KATNB1: variants seen among roughly 807,000 people sequenced by gnomAD.
KATNB1 encodes katanin p80 WD40 repeat-containing subunit B1.
A neutral mutation model predicts 82.3 loss-of-function variants in KATNB1; 38 were observed. The observed-to-expected ratio is 0.46, with a 90% confidence interval of 0.36 to 0.61. KATNB1 has a LOEUF of 0.61. Ranked by LOEUF, KATNB1 falls within the 20% of genes least tolerant of loss-of-function variation. KATNB1 has a pLI of 0.00. For synonymous variants in KATNB1, 361 were observed against 368.7 expected (o/e 0.98, Z 0.24); for missense variants, 749 against 915.7 (o/e 0.82, Z 2.35).
Position 57,750,889 on chromosome 16 carries a change from G to C in KATNB1, c.352G>C (p.Glu118Gln). The change falls in exon 5 of 20, where the codon GAG becomes CAG. Residue 118 changes from glutamate to glutamine, a missense_variant. Glu to Gln is a conservative substitution (Grantham distance 29). Around this residue, in one of 3 missense-constraint regions of KATNB1, gnomAD observed 247 missense variants for 349.4 expected, o/e 0.71. Coordinates refer to ENST00000379661, the MANE Select transcript of KATNB1 (RefSeq NM_005886.3). ...ICSLDFHPYGEFVASGSQDTN... is the reference protein window; with the variant it reads ...ICSLDFHPYGQFVASGSQDTN... The stretch of plus-strand genomic sequence containing the variant: ...CAGCCTGGATTTCCACCCGTACGGC[G>C]AGTTTGTAGCCTCTGGTTCCCAGGA... 1.2e-6 allele frequency: 2 copies of C among 1,614,082 alleles called. No homozygotes were observed. The highest frequency in any genetic ancestry group is 1.7e-6 in the Non-Finnish European group (2 of 1,180,028).
intron 4 of KATNB1, among the ~76,000 whole-genome samples, chr16:57,750,616 A>G (rs1419336192): frequency 6.6e-6 from 1 of 151,886 alleles, no homozygotes; most frequent in African/African-American, 2.4e-5. Context: ...ACAGAGCAAG[A>G]CTCCTTTTCA....
chr16:57,752,780 G>A lies in KATNB1; in HGVS notation c.707G>A (p.Ser236Asn). Residue 236 changes from serine to asparagine, a missense_variant and splice_region_variant, in exon 10 of 20, where the codon AGC (serine) becomes AAC (asparagine). Ser to Asn is a conservative substitution (Grantham distance 46, BLOSUM62 1). Transcript: ENST00000379661. ...CGGCCATCTCTCGCCTGGCCCAGGA[G>A]CGTCCTCTTCAACCCAGACGGCTGC... The part of the protein sequence containing the change: ...CIEGEPGPVR[S>N]VLFNPDGCCL... 4 of 1,609,874 alleles carry A rather than the reference G, an allele frequency of 2.5e-6. No homozygotes were observed. The highest frequency in any genetic ancestry group is 3.4e-6 in the Non-Finnish European group (4 of 1,179,304).
At chr16:57,756,733 A>T (rs1013991418) in intron 19 of KATNB1, 81 bp from the exon 20 acceptor site, 10 of 1,460,830 alleles carry the variant, frequency 6.8e-6, no homozygotes, top group Non-Finnish European at 9.1e-6. Context: ...GGGCTGGAGC[A>T]GTTAGGACAG....
At chr16:57,748,783 G>A (rs970463362) in intron 4 of KATNB1, among the ~76,000 whole-genome samples, 2 of 152,228 alleles carry the variant, frequency 1.3e-5, no homozygotes, top group African/African-American at 4.8e-5. Context: ...GGGATCCCAC[G>A]GGATCTCACA....
In KATNB1 at chr16:57,756,842, C is replaced by A; in HGVS notation, c.1864C>A (p.Gln622Lys). The A allele has an allele frequency of 6.3e-7, 1 of 1,575,472 alleles. No individual in the cohort carries two copies. Among genetic ancestry groups the A allele is most frequent in the Non-Finnish European group, 8.6e-7 (1 of 1,159,356 alleles). Residue 622 changes from glutamine (Q) to lysine (K), a missense_variant, in exon 20 of 20, where the codon CAG becomes AAG. Coordinates refer to ENST00000379661, the MANE Select transcript of KATNB1 (RefSeq NM_005886.3). ...RLHKCRLCYK[Q>K]LKSISGLVKS... ...GCATAAGTGCCGGCTCTGCTACAAG[C>A]AGCTTAAGAGCATCAGCGGCCTGGT...
rs782642444 is a variant in KATNB1, at chr16:57,741,742, C to A, written c.96C>A (p.Ser32=). 1.2e-6 allele frequency: 2 copies of A among 1,614,046 alleles called. No homozygotes were observed. Among genetic ancestry groups the A allele is most frequent in the Non-Finnish European group, 1.7e-6 (2 of 1,180,042 alleles). Reference sequence around the variant, plus strand: ...CCTCACTGGTGCTGGGCAAAGCCTCCGGGCGGCTGCTGGCTACAGGCGGGG... The same window carrying A: ...CCTCACTGGTGCTGGGCAAAGCCTCAGGGCGGCTGCTGGCTACAGGCGGGG... ...NVSSLVLGKA[S]GRLLATGGDD... is the part of the protein sequence containing the mutation. Residue 32 remains serine (S), a synonymous_variant, in exon 3 of 20, where the codon TCC becomes TCA. Transcript: ENST00000379661.
intron 9 of KATNB1, 80 bp from the exon 10 acceptor site, chr16:57,752,698 G>T: frequency 6.4e-7 from 1 of 1,562,646 alleles, no homozygotes; most frequent in Non-Finnish European, 8.7e-7. Context: ...CGCCCTCCCT[G>T]CCCTGGGCCC....
chr16:57,753,381 G>T lies in KATNB1; in HGVS notation c.1047-8G>T. On this transcript the variant is annotated splice_region_variant and splice_polypyrimidine_tract_variant and intron_variant, in intron 11 of 19. Coordinates refer to ENST00000379661, the MANE Select transcript of KATNB1 (RefSeq NM_005886.3). ...CTGCTTCCGTTGGGCTTGGCCTCAC[G>T]CTCCCAGGGTGAAGCAGAACTCAGA... The T allele has an allele frequency of 6.2e-7, 1 of 1,608,718 alleles. No individual in the cohort carries two copies. The highest frequency in any genetic ancestry group is 8.5e-7 in the Non-Finnish European group (1 of 1,177,026).
Position 57,751,720 on chromosome 16 carries a change from T to TGAAG in KATNB1, c.514_516+1dup. ...GCGTCGGCCGCAGATGACCACACCGTGAAGGTAGCTCCCGGCCTGACCTGG... is the reference window on the plus strand; with the variant it reads ...GCGTCGGCCGCAGATGACCACACCGTGAAGGAAGGTAGCTCCCGGCCTGACCTGG... On this transcript the variant is annotated frameshift_variant, in exon 7 of 20. Coordinates refer to ENST00000379661, the MANE Select transcript of KATNB1 (RefSeq NM_005886.3). LOFTEE classifies it high-confidence loss of function. The surrounding 1 kb of genome is among the most constrained non-coding windows in gnomAD (Gnocchi z 6.3). 6.2e-7 allele frequency: 1 copy of TGAAG among 1,609,328 alleles called. No individual in the cohort carries two copies. Among genetic ancestry groups the TGAAG allele is most frequent in the Non-Finnish European group, 8.5e-7 (1 of 1,179,958 alleles).
intron 13 of KATNB1, 43 bp from the exon 14 acceptor site, chr16:57,754,887 G>C (rs1490568418): frequency 2.5e-6 from 4 of 1,607,930 alleles, no homozygotes; most frequent in African/African-American, 2.7e-5. Flanking sequence ...TTCTTGCCAG[G>C]CCCTTCTGGC....
At chr16:57,752,342 CA>C (rs1555583564) in intron 8 of KATNB1, 187 bp from the exon 9 acceptor site, 9 of 654,172 alleles carry the variant, frequency 1.4e-5, no homozygotes, top group Middle Eastern at 6.3e-4. Flanking sequence ...CTGTTGGGGC[CA>C]ACCCTGGGGC....
chr16:57,742,111 G>T (rs939895609), intron 3 of KATNB1, among the ~76,000 whole-genome samples: 1 of 152,240 alleles, frequency 6.6e-6, no homozygotes, highest in Non-Finnish European at 1.5e-5. Context: ...GGCAGGCTGC[G>T]TGAGAAGATT....
chr16:57,744,317 C>T (rs748003021), intron 3 of KATNB1, 77 bp from the exon 4 acceptor site: 19 of 1,290,776 alleles, frequency 1.5e-5, no homozygotes, highest in South Asian at 1.1e-4. Flanking sequence ...GAAGCCTTTC[C>T]GGGGGACTTG....
chr16:57,756,337 C>G lies in KATNB1; in HGVS notation c.1719-19C>G, dbSNP rs782753780. 6.2e-7 allele frequency: 1 copy of G among 1,603,282 alleles called. No individual in the cohort carries two copies. Among genetic ancestry groups the G allele is most frequent in the South Asian group, 1.1e-5 (1 of 90,316 alleles). On this transcript the variant is annotated intron_variant, in intron 18 of 19. Coordinates refer to ENST00000379661, the MANE Select transcript of KATNB1 (RefSeq NM_005886.3). ...GTGGCCCTTGGTCCATCTGTGACTT[C>G]ATCCATCTCCCCCTAAAGCTACGTC...
chr16:57,752,158 T>C (rs2049233945), intron 8 of KATNB1, 103 bp downstream of exon 8: 1 of 770,010 alleles, frequency 1.3e-6, no homozygotes, highest in Non-Finnish European at 2.2e-6. Context: ...TGGGGTGTCA[T>C]ACGTCTGATG....
chr16:57,752,105 C>T (rs782337311), intron 8 of KATNB1, 50 bp downstream of exon 8: 1 of 1,189,400 alleles, frequency 8.4e-7, no homozygotes. Context: ...TCCTTCACCG[C>T]CTTGTCCTCT....
chr16:57,746,230 T>C (rs1283369034), intron 4 of KATNB1, among the ~76,000 whole-genome samples: 3 of 152,340 alleles, frequency 2.0e-5, no homozygotes, highest in African/African-American at 7.2e-5. Context: ...CCTCAGAATT[T>C]GGAAGGTGCA....
intron 4 of KATNB1, among the ~76,000 whole-genome samples, chr16:57,748,088 G>C (rs956355637): frequency 6.6e-6 from 1 of 152,172 alleles, no homozygotes; most frequent in Non-Finnish European, 1.5e-5. Flanking sequence ...GCAAACAGAG[G>C]CCCAGGGAGA....
intron 4 of KATNB1, among the ~76,000 whole-genome samples, chr16:57,749,944 T>C (rs1555582536): frequency 6.6e-6 from 1 of 152,336 alleles, no homozygotes; most frequent in East Asian, 1.9e-4. Flanking sequence ...AAGACTGGTG[T>C]GTGCACCAGG....
Sources: allele counts gnomAD v4.1 joint callset (sites outside exome capture counted in the v4.1 genomes callset), GRCh38; gene constraint gnomAD v4.1.1; regional missense constraint gnomAD v4.1.1; non-coding constraint Gnocchi (gnomAD v3.1); transcripts MANE v1.5; gene names NCBI Gene and HGNC (gene_info 2026-07-23, HGNC 2026-07-21).